PNO1: variants seen among roughly 807,000 people sequenced by gnomAD.
PNO1 encodes the protein partner of NOB1 homolog.
In PNO1, 16 loss-of-function variants were observed where a neutral mutation model predicts 28.4. The ratio of observed to expected loss-of-function variants is 0.56; its 90% CI spans 0.38 to 0.85. PNO1 has a LOEUF of 0.85. Ranked by LOEUF, PNO1 falls within the 40% of genes least tolerant of loss-of-function variation. The probability of loss-of-function intolerance (pLI) is 0.00; values close to 1 mark genes in which losing one functional copy is unlikely to be tolerated. For synonymous variants in PNO1, 115 were observed against 110.8 expected, an observed-to-expected ratio of 1.04 and a Z score of -0.24; for missense variants, 304 against 312.2, an observed-to-expected ratio of 0.97 and a Z score of 0.20.
At chr2:68,160,712 T>C (rs961385229) in intron 2 of PNO1, among the ~76,000 whole-genome samples, 1 of 152,242 alleles carries the variant, frequency 6.6e-6, no homozygotes, top group African/African-American at 2.4e-5. Flanking sequence ...TTTTCTATTA[T>C]ACTAGTAGGG....
intron 2 of PNO1, among the ~76,000 whole-genome samples, chr2:68,159,614 A>G (rs1232251385): frequency 4.6e-5 from 7 of 152,194 alleles, no homozygotes; most frequent in Non-Finnish European, 1.0e-4. Context: ...GATAACCGAA[A>G]TTAATTATAT....
chr2:68,168,701 G>T (rs767368997), intron 5 of PNO1, among the ~76,000 whole-genome samples: 1 of 152,124 alleles, frequency 6.6e-6, no homozygotes, highest in Non-Finnish European at 1.5e-5. Flanking sequence ...TGTCTTGCCT[G>T]GGCGCCTAGG....
At position 68,174,844 on chromosome 2, in the gene PNO1, G is replaced by A. The variant is rs1410815569; in HGVS notation, c.*42G>A. The A allele has an allele frequency of 3.9e-6, 5 of 1,286,002 alleles. No individual in the cohort carries two copies. The highest frequency in any genetic ancestry group is 5.6e-6 in the Non-Finnish European group (5 of 889,084). The allele number at this position is 1,286,002 out of a possible 1,614,324, so 79.7% of individuals were successfully genotyped here. A position where few individuals can be genotyped will look rare whatever the true frequency, so the allele number is the denominator to read the frequency against. ...TTTTATCTTGCCTTTGGACTCTGGT[G>A]AAAAATACTTTACAGTGGTCGGTCA... is the stretch of plus-strand genomic sequence containing the variant. On this transcript the variant is annotated 3_prime_UTR_variant, in exon 7 of 7. Coordinates refer to ENST00000263657, the MANE Select transcript of PNO1 (RefSeq NM_020143.4).
intron 1 of PNO1, 22 bp from the exon 2 acceptor site, chr2:68,158,358 T>A: frequency 1.9e-6 from 3 of 1,601,272 alleles, no homozygotes; most frequent in Non-Finnish European, 2.6e-6. Flanking sequence ...GCCTTCTGAG[T>A]TGTGTGTTCT....
Position 68,174,857 on chromosome 2 carries a change from C to T in PNO1, c.*55C>T. On this transcript the variant is annotated 3_prime_UTR_variant, in exon 7 of 7. Coordinates refer to ENST00000263657, the MANE Select transcript of PNO1 (RefSeq NM_020143.4). ...TTGGACTCTGGTGAAAAATACTTTA[C>T]AGTGGTCGGTCACAAGAAACCAGCT... 1 of 1,120,352 alleles carries T rather than the reference C, an allele frequency of 8.9e-7. No homozygotes were observed. The highest frequency in any genetic ancestry group is 1.3e-6 in the Non-Finnish European group (1 of 744,600). 69.4% of individuals were successfully genotyped at this position (1,120,352 alleles called of 1,614,324 possible). A position where few individuals can be genotyped will look rare whatever the true frequency, so the allele number is the denominator to read the frequency against.
In PNO1 at chr2:68,175,073, CAT is replaced by C. The variant is rs1353193705; in HGVS notation, c.*273_*274del. On this transcript the variant is annotated 3_prime_UTR_variant, in exon 7 of 7. Coordinates refer to ENST00000263657, the MANE Select transcript of PNO1 (RefSeq NM_020143.4). ...ATCTGAAATCACATGTAGCAGATTG[CAT>C]AGTCTGTAATCCTCTCAGAGGGAAA... is the stretch of plus-strand genomic sequence containing the variant. 8.4e-5 allele frequency: 27 copies of C among 319,576 alleles called. No individual in the cohort carries two copies. Among genetic ancestry groups the C allele is most frequent in the South Asian group, 3.6e-4 (5 of 13,860 alleles). 19.8% of individuals were successfully genotyped at this position (319,576 alleles called of 1,614,324 possible).
chr2:68,174,890 T>G lies in PNO1; in HGVS notation c.*88T>G. ...GGTCACAAGAAACCAGCTGAACAAT[T>G]TCAGTCATTTGAAGCCTCCGTCCCT... On this transcript the variant is annotated 3_prime_UTR_variant, in exon 7 of 7. Transcript: ENST00000263657. 1 of 772,786 alleles carries G rather than the reference T, an allele frequency of 1.3e-6. No homozygotes were observed. The highest frequency in any genetic ancestry group is 2.2e-6 in the Non-Finnish European group (1 of 455,016). The allele number at this position is 772,786 out of a possible 1,614,324, so 47.9% of individuals were successfully genotyped here. A position where few individuals can be genotyped will look rare whatever the true frequency, so the allele number is the denominator to read the frequency against.
chr2:68,174,611 A>G (rs1674224406), intron 6 of PNO1, 124 bp from the exon 7 acceptor site: 1 of 588,328 alleles, frequency 1.7e-6, no homozygotes, highest in Non-Finnish European at 3.1e-6. Flanking sequence ...AAGAGACTTG[A>G]GCATCCAAGG....
rs747591821 is a variant in PNO1 at position 68,161,793 on chromosome 2, G to T, written c.441+27G>T. On this transcript the variant is annotated intron_variant, in intron 3 of 6. Coordinates refer to ENST00000263657, the MANE Select transcript of PNO1 (RefSeq NM_020143.4). ...TGAGTAATTCCATGATATCTAAAAT[G>T]GGGACTTTAAAAATATTCAATGTGA... 6 of 1,432,886 alleles carry T rather than the reference G, an allele frequency of 4.2e-6. No individual in the cohort carries two copies. The African/African-American group carries it at 7.0e-5, about 17-fold the overall frequency. 88.8% of individuals were successfully genotyped at this position (1,432,886 alleles called of 1,614,324 possible).
At position 68,162,345 on chromosome 2, in the gene PNO1, C is replaced by T. The variant is rs764118221; in HGVS notation, c.502+20C>T. ...CAGATGGTGAGTGTGTGTTGGTCTG[C>T]GCTCTTGTGTCGCTGACTTTGTATT... On this transcript the variant is annotated intron_variant, in intron 4 of 6. Transcript: ENST00000263657. 228 of 1,581,620 alleles carry T rather than the reference C, an allele frequency of 1.4e-4. No individual in the cohort carries two copies. The highest frequency in any genetic ancestry group is 1.7e-4 in the Non-Finnish European group (196 of 1,158,650).
intron 1 of PNO1, 58 bp from the exon 2 acceptor site, chr2:68,158,322 T>C: frequency 6.6e-7 from 1 of 1,525,692 alleles, no homozygotes; most frequent in South Asian, 1.3e-5. Context: ...AGATGTCATT[T>C]TAAACTCCAT....
intron 2 of PNO1, among the ~76,000 whole-genome samples, chr2:68,160,721 G>T (rs1673808687): frequency 6.6e-6 from 1 of 152,156 alleles, no homozygotes; most frequent in Non-Finnish European, 1.5e-5. Flanking sequence ...ATACTAGTAG[G>T]GAACACTCAG....
chr2:68,165,002 C>CA (rs1401323175), intron 5 of PNO1, among the ~76,000 whole-genome samples: 46 of 141,808 alleles, frequency 3.2e-4, no homozygotes, highest in African/African-American at 1.2e-3. Context: ...ATTATAAAGT[C>CA]AAAAAAAAAT....
intron 5 of PNO1, among the ~76,000 whole-genome samples, chr2:68,167,411 G>T (rs1216995380): frequency 6.6e-6 from 1 of 152,180 alleles, no homozygotes; most frequent in Non-Finnish European, 1.5e-5. Flanking sequence ...TCCAGAAAAA[G>T]AGCTCTCCTT....
At position 68,162,276 on chromosome 2, in the gene PNO1, C is replaced by T. The variant is rs1243904945; in HGVS notation, c.453C>T (p.Ala151=). The change falls in exon 4 of 7, where the codon GCC becomes GCT. Residue 151 remains alanine, a synonymous_variant. Coordinates refer to ENST00000263657, the MANE Select transcript of PNO1 (RefSeq NM_020143.4). ...ILGFQVEDAL[A]LIRLDDLFLE... The stretch of plus-strand genomic sequence containing the variant: ...TTTTTATATTATAGGATGCACTTGC[C>T]CTCATCAGGTTGGATGACCTCTTCC... The T allele has an allele frequency of 9.9e-6, 16 of 1,611,954 alleles. No homozygotes were observed. Among genetic ancestry groups the T allele is most frequent in the Non-Finnish European group, 1.4e-5 (16 of 1,178,246 alleles).
chr2:68,158,276 G>T, intron 1 of PNO1, 104 bp from the exon 2 acceptor site: 1 of 1,368,690 alleles, frequency 7.3e-7, no homozygotes, highest in Admixed American at 2.2e-5. Flanking sequence ...TCTTTGAAGT[G>T]TAACTAGTTC....
At chr2:68,174,278 TTC>T (rs1250022405) in intron 6 of PNO1, among the ~76,000 whole-genome samples, 2 of 142,380 alleles carry the variant, frequency 1.4e-5, no homozygotes, top group Non-Finnish European at 3.0e-5. Context: ...TGGGTATTAT[TTC>T]TGTTAAGGTT....
At chr2:68,169,462 T>G (rs1356890744) in intron 5 of PNO1, among the ~76,000 whole-genome samples, 3 of 152,196 alleles carry the variant, frequency 2.0e-5, no homozygotes, top group East Asian at 3.9e-4. Context: ...GCATCACATG[T>G]GATCAGCATC....
intron 1 of PNO1, 101 bp downstream of exon 1, chr2:68,158,242 C>A: frequency 7.2e-7 from 1 of 1,385,848 alleles, no homozygotes; most frequent in Non-Finnish European, 9.9e-7. Context: ...GGCTGTTCTG[C>A]CGTGATGCTC....
Sources: allele counts gnomAD v4.1 joint callset (sites outside exome capture counted in the v4.1 genomes callset), GRCh38; gene constraint gnomAD v4.1.1; transcripts MANE v1.5; gene names NCBI Gene and HGNC (gene_info 2026-07-23, HGNC 2026-07-21).